KIF4A: variants seen among roughly 807,000 people sequenced by gnomAD.
KIF4A encodes kinesin family member 4A.
Under a neutral mutation model 105.9 loss-of-function variants are expected in KIF4A, and 7 were observed. The observed-to-expected ratio is 0.07, with a 90% CI of 0.04 to 0.12. The LOEUF (loss-of-function observed/expected upper bound fraction) is 0.12, where lower values mean the gene tolerates loss of function less well. Ranked by LOEUF, KIF4A falls within the 10% of genes least tolerant of loss-of-function variation. The pLI is 1.00. For missense variants in KIF4A, 558 were observed against 929.2 expected, an observed-to-expected ratio of 0.60 and a Z score of 5.19; for synonymous variants, 281 against 331.3, an observed-to-expected ratio of 0.85 and a Z score of 1.65.
Position 70,403,996 on chromosome X carries a change from G to A in KIF4A, c.2752G>A (p.Ala918Thr). 1 of 1,211,673 alleles carries A rather than the reference G, an allele frequency of 8.3e-7. No homozygotes were observed. ...TGCCGAGATAGAGACAGAGTTACAA[G>A]CTGAGCTGGTCAGAATGGAGCAACA... ...HFAEIETELQAELVRMEQQHQ... is the reference protein window; with the variant it reads ...HFAEIETELQTELVRMEQQHQ... Residue 918 changes from alanine to threonine, a missense_variant, in exon 24 of 31, where the codon GCT becomes ACT. Transcript: ENST00000374403.
chrX:70,337,063 G>T (rs1488544595), intron 10 of KIF4A, among the ~76,000 whole-genome samples: 1 of 112,375 alleles, frequency 8.9e-6, no homozygotes, highest in Non-Finnish European at 1.9e-5. Flanking sequence ...CCATGTTGTA[G>T]CATGTGTCAC....
intron 20 of KIF4A, among the ~76,000 whole-genome samples, chrX:70,390,380 G>A (rs911897555): frequency 3.6e-5 from 4 of 111,646 alleles, no homozygotes; most frequent in Admixed American, 2.9e-4. Flanking sequence ...CCCAGTCTTG[G>A]GCAGAAAGCA....
chrX:70,295,809 C>T (rs977170067), intron 3 of KIF4A, among the ~76,000 whole-genome samples: 6 of 106,993 alleles, frequency 5.6e-5, no homozygotes, highest in Admixed American at 1.0e-4. Flanking sequence ...CCCAGCTACT[C>T]GGGAGACTGA....
intron 28 of KIF4A, chrX:70,415,384 A>G (rs1387074533): frequency 4.0e-6 from 1 of 250,678 alleles, no homozygotes; most frequent in Non-Finnish European, 7.5e-6. Context: ...CTGAGGCAAG[A>G]GGATTGCTTG....
At chrX:70,317,922 G>C (rs1160048173) in intron 7 of KIF4A, among the ~76,000 whole-genome samples, 1 of 105,758 alleles carries the variant, frequency 9.5e-6, no homozygotes, top group African/African-American at 3.5e-5. Context: ...CCATTGCCCA[G>C]GCTGGAGTGC....
At chrX:70,348,209 C>T (rs760512113) in intron 13 of KIF4A, among the ~76,000 whole-genome samples, 45 of 110,008 alleles carry the variant, frequency 4.1e-4, no homozygotes, top group Non-Finnish European at 3.8e-4. Context: ...TTTGAGAGAC[C>T]GAGGCAGGTG....
intron 13 of KIF4A, among the ~76,000 whole-genome samples, chrX:70,350,253 G>A (rs2086023586): frequency 9.0e-6 from 1 of 111,260 alleles, no homozygotes; most frequent in South Asian, 3.8e-4. Context: ...GGGAGGCCGA[G>A]GCGGGCAGAT....
At chrX:70,411,354 G>A (rs2086321525) in intron 28 of KIF4A, among the ~76,000 whole-genome samples, 1 of 111,058 alleles carries the variant, frequency 9.0e-6, no homozygotes, top group Admixed American at 9.6e-5. Context: ...ACTTGTCCAA[G>A]GTCATGCCAA....
At position 70,395,797 on chromosome X, in the gene KIF4A, T is replaced by A. The variant is rs1199815993; in HGVS notation, c.2359T>A (p.Ser787Thr). ...DVAQLKEKKE[S>T]GENPPPKLRR... Reference sequence around the variant, plus strand: ...GGCTCAACTCAAAGAAAAAAAGGAATCTGGGGAGAATCCACCTCCTAAACT... The same window carrying A: ...GGCTCAACTCAAAGAAAAAAAGGAAACTGGGGAGAATCCACCTCCTAAACT... Residue 787 changes from serine to threonine, a missense_variant, in exon 21 of 31, where the codon TCT becomes ACT. Physicochemically the swap from Ser to Thr is moderately conservative, Grantham distance 58 (BLOSUM62 1). Transcript: ENST00000374403. 7.4e-6 allele frequency: 9 copies of A among 1,209,556 alleles called. No homozygotes were observed. The highest frequency in any genetic ancestry group is 1.0e-5 in the Non-Finnish European group (9 of 895,163).
At chrX:70,412,660 C>G (rs1240804908) in intron 28 of KIF4A, among the ~76,000 whole-genome samples, 1 of 111,909 alleles carries the variant, frequency 8.9e-6, no homozygotes. Context: ...CCATGGCTCA[C>G]ACCTGTAATC....
At chrX:70,399,050 C>T (rs1340082368) in intron 22 of KIF4A, among the ~76,000 whole-genome samples, 1 of 111,474 alleles carries the variant, frequency 9.0e-6, no homozygotes, top group Non-Finnish European at 1.9e-5. Flanking sequence ...AATGGTGTTG[C>T]GAAAGCAGTA....
At chrX:70,348,729 A>T (rs1448615183) in intron 13 of KIF4A, among the ~76,000 whole-genome samples, 1 of 111,821 alleles carries the variant, frequency 8.9e-6, no homozygotes, top group Non-Finnish European at 1.9e-5. Context: ...ACAGAACAAA[A>T]TGGAGTCTCC....
At chrX:70,399,567 G>T (rs1037798927) in intron 22 of KIF4A, among the ~76,000 whole-genome samples, 1 of 110,049 alleles carries the variant, frequency 9.1e-6, no homozygotes, top group Non-Finnish European at 1.9e-5. Flanking sequence ...GAGTAATATT[G>T]TCCAAATGGC....
chrX:70,378,976 G>A (rs2086186071), intron 18 of KIF4A, among the ~76,000 whole-genome samples: 1 of 108,552 alleles, frequency 9.2e-6, no homozygotes, highest in Non-Finnish European at 1.9e-5. Flanking sequence ...CTAACACGGT[G>A]AAACCCCATC....
At chrX:70,292,153 A>C (rs1315834394) in intron 3 of KIF4A, among the ~76,000 whole-genome samples, 1 of 111,942 alleles carries the variant, frequency 8.9e-6, no homozygotes, top group African/African-American at 3.2e-5. Context: ...TATTTCCTAC[A>C]AAAAAGGACT....
At chrX:70,390,044 A>T (rs1395781581) in intron 20 of KIF4A, among the ~76,000 whole-genome samples, 1 of 112,220 alleles carries the variant, frequency 8.9e-6, no homozygotes, top group Admixed American at 9.5e-5. Context: ...TCTCAGCAAC[A>T]TTTTAGTTTT....
chrX:70,404,694 T>C (rs750123047), intron 24 of KIF4A, 21 bp from the exon 25 acceptor site: 40 of 1,146,305 alleles, frequency 3.5e-5, no homozygotes, highest in Non-Finnish European at 4.7e-5. Context: ...TTACCACCCA[T>C]TGGATCGTGT....
At chrX:70,294,515 A>ATATGACTAGCTGG (rs2085773344) in intron 3 of KIF4A, among the ~76,000 whole-genome samples, 1 of 112,556 alleles carries the variant, frequency 8.9e-6, no homozygotes, top group East Asian at 2.8e-4. Flanking sequence ...GCAGTGAAGT[A>ATATGACTAGCTGG]GGTTTCTTTA....
chrX:70,335,053 A>C (rs763564337), intron 10 of KIF4A, among the ~76,000 whole-genome samples: 1 of 112,080 alleles, frequency 8.9e-6, no homozygotes, highest in Non-Finnish European at 1.9e-5. Flanking sequence ...TTATATATCC[A>C]AAATAATTAA....
Sources: allele counts gnomAD v4.1 joint callset (sites outside exome capture counted in the v4.1 genomes callset), GRCh38; gene constraint gnomAD v4.1.1; transcripts MANE v1.5; gene names NCBI Gene and HGNC (gene_info 2026-07-23, HGNC 2026-07-21).